Variants in CCDC171 observed in about 807,000 individuals in gnomAD.
CCDC171 encodes the protein coiled-coil domain containing 171.
In CCDC171, 177 loss-of-function variants were observed where a neutral mutation model predicts 168.2. That is an observed-to-expected ratio of 1.05 (90% CI 0.93 to 1.19). The LOEUF is 1.19. CCDC171 is among the 50% of genes most tolerant of loss of function. CCDC171 has a pLI of 0.00. For synonymous variants in CCDC171, 687 were observed against 540.8 expected, an observed-to-expected ratio of 1.27 and a Z score of -3.75; for missense variants, 1,991 against 1,539.0, an observed-to-expected ratio of 1.29 and a Z score of -4.91.
chr9:15,666,087 C>T, intron 8 of CCDC171, 76 bp from the exon 9 acceptor site: 1 of 1,302,534 alleles, frequency 7.7e-7, no homozygotes, highest in Non-Finnish European at 1.1e-6. Context: ...CTGTTACTGA[C>T]AAAGTATTCT....
chr9:15,808,166 A>T (rs1167501331), intron 21 of CCDC171, among the ~76,000 whole-genome samples: 1 of 152,048 alleles, frequency 6.6e-6, no homozygotes, highest in Non-Finnish European at 1.5e-5. Flanking sequence ...GTGAGGGGGC[A>T]TTTGGAGGGA....
chr9:16,050,945 T>C (rs1441208636), intron 1 of CCDC171, among the ~76,000 whole-genome samples: 1 of 152,204 alleles, frequency 6.6e-6, no homozygotes, highest in Non-Finnish European at 1.5e-5. Flanking sequence ...CATGTCACTT[T>C]TTGACCTCTT....
intron 1 of CCDC171, among the ~76,000 whole-genome samples, chr9:15,555,358 C>T (rs893443865): frequency 7.2e-5 from 11 of 152,122 alleles, no homozygotes; most frequent in Non-Finnish European, 1.3e-4. Flanking sequence ...ACAGGATGGC[C>T]TGGTTTTGGT....
chr9:15,728,716 A>T (rs1006011986), intron 15 of CCDC171, among the ~76,000 whole-genome samples: 4 of 152,138 alleles, frequency 2.6e-5, no homozygotes, highest in African/African-American at 9.7e-5. Flanking sequence ...ATATGCCACC[A>T]TTAAAGACAC....
chr9:15,940,666 C>T (rs901721350), intron 25 of CCDC171, among the ~76,000 whole-genome samples: 2 of 151,894 alleles, frequency 1.3e-5, no homozygotes, highest in African/African-American at 4.8e-5. Context: ...CAATATTTCT[C>T]CCCTTTATTT....
At chr9:15,596,047 C>T (rs2042323316) in intron 6 of CCDC171, among the ~76,000 whole-genome samples, 1 of 152,082 alleles carries the variant, frequency 6.6e-6, no homozygotes, top group Non-Finnish European at 1.5e-5. Context: ...GATATTAGCC[C>T]TTTGTCAGAT....
rs772237600 is a variant in CCDC171, at chr9:15,553,044, A to C, written c.-370A>C. On this transcript the variant is annotated 5_prime_UTR_variant, in exon 1 of 26. Transcript: ENST00000380701. ...CGGGCCTGAGTTGGGCTGACCTGTG[A>C]AAGTCTGGGAAGGTCTGCGAGAGAA... is the stretch of plus-strand genomic sequence containing the variant. 1 of 152,446 alleles carries C rather than the reference A, an allele frequency of 6.6e-6. No individual in the cohort carries two copies. The highest frequency in any genetic ancestry group is 1.5e-5 in the Non-Finnish European group (1 of 68,274). The allele number at this position is 152,446 out of a possible 1,614,324, so 9.4% of individuals were successfully genotyped here.
chr9:15,946,786 A>T (rs1828451362), intron 25 of CCDC171, among the ~76,000 whole-genome samples: 1 of 151,964 alleles, frequency 6.6e-6, no homozygotes, highest in African/African-American at 2.4e-5. Flanking sequence ...CAAAGCTAGA[A>T]TTCTTATAGT....
At position 15,748,265 on chromosome 9, in the gene CCDC171, G is replaced by C. The variant is rs556227134; in HGVS notation, c.2671+2634G>C. ...CTAATGAAATAAAACGAGAAGACAA[G>C]ATTAGAGAAAAAGGAGTAAAAAAAA... is the stretch of plus-strand genomic sequence containing the variant. On this transcript the variant is annotated intron_variant, in intron 18 of 25. Coordinates refer to ENST00000380701, the MANE Select transcript of CCDC171 (RefSeq NM_173550.4). Among the ~76,000 whole-genome samples, 10 of 152,214 alleles carry C rather than the reference G, an allele frequency of 6.6e-5. No individual in the cohort carries two copies. In the South Asian group the frequency reaches 2.1e-3, roughly 32 times the overall value.
intron 10 of CCDC171, among the ~76,000 whole-genome samples, chr9:15,683,590 A>G (rs1437947712): frequency 3.3e-5 from 5 of 152,042 alleles, no homozygotes; most frequent in African/African-American, 1.2e-4. Context: ...TTTTAGTTCT[A>G]GTAAATAATA....
At chr9:15,676,354 G>A (rs1040940974) in intron 9 of CCDC171, among the ~76,000 whole-genome samples, 2 of 151,990 alleles carry the variant, frequency 1.3e-5, no homozygotes, top group Non-Finnish European at 2.9e-5. Flanking sequence ...TGTTATTACC[G>A]ACCTTCTGAA....
chr9:15,944,836 T>TCTTTC (rs57665767), intron 25 of CCDC171, among the ~76,000 whole-genome samples: 30,596 of 129,614 alleles, frequency 0.24, 4,507 homozygotes, highest in South Asian at 0.28. Context: ...TTTCTTTCTT[T>TCTTTC]TTTCTTTCTT....
At chr9:15,955,676 C>T (rs928153747) in intron 25 of CCDC171, among the ~76,000 whole-genome samples, 2 of 152,146 alleles carry the variant, frequency 1.3e-5, no homozygotes, top group Admixed American at 1.3e-4. Flanking sequence ...ATGCTTTCAT[C>T]AGACAGATTC....
At chr9:15,672,067 T>C (rs1006161766) in intron 9 of CCDC171, among the ~76,000 whole-genome samples, 35 of 152,216 alleles carry the variant, frequency 2.3e-4, no homozygotes, top group African/African-American at 6.8e-4. Context: ...TGGTATCTCA[T>C]TGTGGTTTTG....
At chr9:15,575,196 C>T (rs201843489) in intron 3 of CCDC171, among the ~76,000 whole-genome samples, 6 of 134,268 alleles carry the variant, frequency 4.5e-5, no homozygotes, top group Non-Finnish European at 7.7e-5. Flanking sequence ...AACAGGGTCT[C>T]GCTCTGTCAC....
At chr9:15,641,153 T>TA (rs1398229164) in intron 7 of CCDC171, among the ~76,000 whole-genome samples, 1 of 152,142 alleles carries the variant, frequency 6.6e-6, no homozygotes, top group African/African-American at 2.4e-5. Flanking sequence ...TATCAGGTGA[T>TA]AAAATCTGGA....
At chr9:16,092,591 G>A in the CCDC171 span, among the ~76,000 whole-genome samples, 3 of 152,104 alleles carry the variant, frequency 2.0e-5, no homozygotes, top group Non-Finnish European at 4.4e-5. Context: ...CTAGCTTTCT[G>A]CAGAACACTT....
the CCDC171 span, among the ~76,000 whole-genome samples, chr9:16,078,095 C>G: frequency 6.0e-5 from 8 of 134,236 alleles, no homozygotes; most frequent in Non-Finnish European, 9.4e-5. Context: ...CACACACACA[C>G]ACACTCACAA....
At chr9:16,031,445 A>G (rs530393990) in intron 6 of CCDC171, among the ~76,000 whole-genome samples, 1 of 152,314 alleles carries the variant, frequency 6.6e-6, no homozygotes, top group East Asian at 1.9e-4. Flanking sequence ...TACACTCTTC[A>G]CTGTAGATGT....
Sources: allele counts gnomAD v4.1 joint callset (sites outside exome capture counted in the v4.1 genomes callset), GRCh38; gene constraint gnomAD v4.1.1; transcripts MANE v1.5; gene names NCBI Gene and HGNC (gene_info 2026-07-23, HGNC 2026-07-21).